RASGEF1A: variants seen among roughly 807,000 people sequenced by gnomAD.
RASGEF1A encodes RasGEF domain family member 1A, also known as ras-GEF domain-containing family member 1A.
Under a neutral mutation model 56.4 loss-of-function variants are expected in RASGEF1A, and 18 were observed. The ratio of observed to expected loss-of-function variants is 0.32; its 90% CI spans 0.22 to 0.47. The LOEUF (loss-of-function observed/expected upper bound fraction) is 0.47, where lower values mean the gene tolerates loss of function less well. Among genes scored for constraint, RASGEF1A ranks in the 20% least tolerant of loss-of-function variants. The pLI, the probability that RASGEF1A is intolerant of heterozygous loss-of-function variation, is 1.00. For synonymous variants in RASGEF1A, 245 were observed against 242.6 expected, an observed-to-expected ratio of 1.01 and a Z score of -0.09; for missense variants, 422 against 627.1, an observed-to-expected ratio of 0.67 and a Z score of 3.49.
At chr10:43,221,710 A>G (rs556276306) in intron 1 of RASGEF1A, among the ~76,000 whole-genome samples, 1 of 152,366 alleles carries the variant, frequency 6.6e-6, no homozygotes, top group South Asian at 2.1e-4. Context: ...GCCAGGGTCC[A>G]AGGGGCCCGT....
chr10:43,257,482 T>G (rs4987093), intron 1 of RASGEF1A, among the ~76,000 whole-genome samples: 1 of 152,076 alleles, frequency 6.6e-6, no homozygotes, highest in Admixed American at 6.5e-5. Context: ...CTCTGCCGCC[T>G]GGGGGCCTCT....
intron 1 of RASGEF1A, among the ~76,000 whole-genome samples, chr10:43,263,325 G>A (rs1195226825): frequency 6.6e-6 from 1 of 152,188 alleles, no homozygotes; most frequent in South Asian, 2.1e-4. Flanking sequence ...GGAGGTGTGT[G>A]CAGATTGGCG....
intron 9 of RASGEF1A, 59 bp downstream of exon 9, chr10:43,198,874 G>A (rs1368632499): frequency 2.7e-5 from 41 of 1,500,336 alleles, no homozygotes; most frequent in Admixed American, 3.3e-5. Flanking sequence ...GGCCCCCTTC[G>A]GGCCATTGCG....
intron 1 of RASGEF1A, among the ~76,000 whole-genome samples, chr10:43,246,244 A>G (rs1840566145): frequency 6.6e-6 from 1 of 152,204 alleles, no homozygotes; most frequent in Admixed American, 6.5e-5. Flanking sequence ...TACAAAACAT[A>G]GTTGGGAGAA....
chr10:43,196,567 C>T lies in RASGEF1A; in HGVS notation c.1349-19G>A. 6.2e-7 allele frequency: 1 copy of T among 1,610,148 alleles called. No individual in the cohort carries two copies. Among genetic ancestry groups the T allele is most frequent in the Non-Finnish European group, 8.5e-7 (1 of 1,178,206 alleles). On this transcript the variant is annotated intron_variant, in intron 11 of 12. Coordinates refer to ENST00000395810, the MANE Select transcript of RASGEF1A (RefSeq NM_145313.4). The surrounding 1 kb of genome is among the most constrained non-coding windows in gnomAD (Gnocchi z 4.6). ...AAGAGAGCTGAGAGATGGGAAAGTCCCTCAGAGCCTGTGTCCCCATGCAGT... is the reference window on the plus strand; with the variant it reads ...AAGAGAGCTGAGAGATGGGAAAGTCTCTCAGAGCCTGTGTCCCCATGCAGT...
chr10:43,239,678 G>A (rs1221288013), intron 1 of RASGEF1A, among the ~76,000 whole-genome samples: 1 of 152,156 alleles, frequency 6.6e-6, no homozygotes, highest in Non-Finnish European at 1.5e-5. Flanking sequence ...CCCCTGGAGG[G>A]AAAACAGCAA....
At chr10:43,238,083 C>G (rs1317214) in intron 1 of RASGEF1A, among the ~76,000 whole-genome samples, 23,858 of 111,718 alleles carry the variant, frequency 0.21, 2,567 homozygotes, top group East Asian at 0.57. Context: ...GATTGAGACC[C>G]GCCTTTGGGG....
At chr10:43,245,813 T>G (rs1167345873) in intron 1 of RASGEF1A, among the ~76,000 whole-genome samples, 1 of 152,194 alleles carries the variant, frequency 6.6e-6, no homozygotes, top group Non-Finnish European at 1.5e-5. Context: ...CACAGTTAAT[T>G]GTAGAAGACC....
rs1839862755 is a variant in RASGEF1A at position 43,199,700 on chromosome 10, C to A, written c.825G>T (p.Met275Ile). The A allele has an allele frequency of 6.2e-7, 1 of 1,613,542 alleles. No homozygotes were observed. The highest frequency in any genetic ancestry group is 1.3e-5 in the African/African-American group (1 of 74,942). ...AYDNWFNCLS[M>I]LVATEVCRVV... ...CCCGGCACACCTCAGTGGCCACCAG[C>A]ATGCTCAGGCAGTTGAACCAGTTGT... Residue 275 changes from methionine (M) to isoleucine (I), a missense_variant, in exon 7 of 13, where the codon ATG (methionine) becomes ATT (isoleucine). Transcript: ENST00000395810.
In RASGEF1A at chr10:43,199,900, C is replaced by T. The variant is rs552886057; in HGVS notation, c.757-132G>A. On this transcript the variant is annotated intron_variant, in intron 6 of 12. Coordinates refer to ENST00000395810, the MANE Select transcript of RASGEF1A (RefSeq NM_145313.4). Reference sequence around the variant, plus strand: ...CAGCCTCAATCATGCCTGCGTGCTCCTTGCTGCCCAGTGCAGGGCTGGCAG... The same window carrying T: ...CAGCCTCAATCATGCCTGCGTGCTCTTTGCTGCCCAGTGCAGGGCTGGCAG... 123 of 811,210 alleles carry T rather than the reference C, an allele frequency of 1.5e-4. No individual in the cohort carries two copies. In the East Asian group the frequency reaches 2.2e-3, roughly 15 times the overall value. The allele number at this position is 811,210 out of a possible 1,614,324, so 50.3% of individuals were successfully genotyped here. A position where few individuals can be genotyped will look rare whatever the true frequency, so the allele number is the denominator to read the frequency against.
chr10:43,209,080 C>T (rs1840033086), intron 1 of RASGEF1A: 3 of 985,340 alleles, frequency 3.0e-6, no homozygotes, highest in African/African-American at 1.7e-5. Context: ...CAGGCAGCTG[C>T]AAACCTGTGT....
intron 1 of RASGEF1A, among the ~76,000 whole-genome samples, chr10:43,217,076 G>C (rs1221896806): frequency 6.6e-6 from 1 of 152,150 alleles, no homozygotes; most frequent in Non-Finnish European, 1.5e-5. Context: ...GAGAAATGAG[G>C]TAGGGGCCAC....
rs1440171862 is a variant in RASGEF1A at position 43,194,890 on chromosome 10, G to A, written c.*1354C>T. ...ACCTCAGAAAGTGCAAACACACTGTGACAATACAGTGGAACTATTCCTGCT... is the reference window on the plus strand; with the variant it reads ...ACCTCAGAAAGTGCAAACACACTGTAACAATACAGTGGAACTATTCCTGCT... On this transcript the variant is annotated 3_prime_UTR_variant, in exon 13 of 13. Coordinates refer to ENST00000395810, the MANE Select transcript of RASGEF1A (RefSeq NM_145313.4). 1 of 152,670 alleles carries A rather than the reference G, an allele frequency of 6.6e-6. No individual in the cohort carries two copies. The highest frequency in any genetic ancestry group is 1.9e-4 in the East Asian group (1 of 5,192). The allele number at this position is 152,670 out of a possible 1,614,324, so 9.5% of individuals were successfully genotyped here. A position where few individuals can be genotyped will look rare whatever the true frequency, so the allele number is the denominator to read the frequency against.
Position 43,196,775 on chromosome 10 carries a change from C to G in RASGEF1A, c.1348+201G>C, listed in dbSNP as rs1588923750. Among the ~76,000 whole-genome samples the G allele has an allele frequency of 6.6e-6, 1 of 152,200 alleles. No homozygotes were observed. The highest frequency in any genetic ancestry group is 2.4e-5 in the African/African-American group (1 of 41,458). On this transcript the variant is annotated intron_variant, in intron 11 of 12. Coordinates refer to ENST00000395810, the MANE Select transcript of RASGEF1A (RefSeq NM_145313.4). The surrounding 1 kb of genome is among the most constrained non-coding windows in gnomAD (Gnocchi z 4.6). ...CCCATGTGACCCTCTCCAGTGGCTGCTGGAAACTGAGTCTCTTGTCCTTCT... is the reference window on the plus strand; with the variant it reads ...CCCATGTGACCCTCTCCAGTGGCTGGTGGAAACTGAGTCTCTTGTCCTTCT...
chr10:43,256,589 C>T (rs1052009581), intron 1 of RASGEF1A, among the ~76,000 whole-genome samples: 3 of 152,160 alleles, frequency 2.0e-5, no homozygotes, highest in Admixed American at 1.3e-4. Flanking sequence ...CTACCTCTCT[C>T]GGCTTCCAGG....
chr10:43,266,567 G>T (rs897025499), intron 1 of RASGEF1A, among the ~76,000 whole-genome samples: 8 of 150,228 alleles, frequency 5.3e-5, no homozygotes, highest in Admixed American at 1.3e-4. Flanking sequence ...GGCCCGGCCC[G>T]CCAGGTGCCC....
chr10:43,224,183 T>A (rs1338332517), intron 1 of RASGEF1A, among the ~76,000 whole-genome samples: 2 of 152,180 alleles, frequency 1.3e-5, no homozygotes, highest in Admixed American at 1.3e-4. Flanking sequence ...CCTTTGAGGA[T>A]AAGATAATTT....
At chr10:43,242,348 A>G (rs2133218796) in intron 1 of RASGEF1A, among the ~76,000 whole-genome samples, 1 of 152,314 alleles carries the variant, frequency 6.6e-6, no homozygotes. Flanking sequence ...ACCTAACAAC[A>G]GAGTCCCAAA....
intron 2 of RASGEF1A, among the ~76,000 whole-genome samples, chr10:43,204,356 G>C (rs1839961584): frequency 6.6e-6 from 1 of 151,942 alleles, no homozygotes; most frequent in African/African-American, 2.4e-5. Context: ...TCAGGGGCCT[G>C]GGCTGACACT....
Sources: gnomAD v4.1 joint callset for allele counts (sites outside exome capture counted in the v4.1 genomes callset) on GRCh38, gnomAD v4.1.1 for gene constraint, Gnocchi (gnomAD v3.1) non-coding constraint, MANE v1.5 for transcripts, NCBI Gene and HGNC (gene_info 2026-07-23, HGNC 2026-07-21) for gene names.